Variants in SIPA1L3 observed in about 807,000 individuals in gnomAD.
The protein encoded by SIPA1L3 is signal induced proliferation associated 1 like 3.
In SIPA1L3, 59 loss-of-function variants were observed where a neutral mutation model predicts 150.1. The ratio of observed to expected loss-of-function variants is 0.39; its 90% CI spans 0.32 to 0.49. The LOEUF (loss-of-function observed/expected upper bound fraction) is 0.49, where lower values mean the gene tolerates loss of function less well. Ranked by LOEUF, SIPA1L3 falls within the 20% of genes least tolerant of loss-of-function variation. The pLI is 0.86. For missense variants in SIPA1L3, 2,211 were observed against 2,489.5 expected (o/e 0.89, Z 2.38); for synonymous variants, 1,070 against 1,077.6 (o/e 0.99, Z 0.14).
chr19:38,031,970 C>G (rs1438342612), intron 2 of SIPA1L3, among the ~76,000 whole-genome samples: 3 of 152,026 alleles, frequency 2.0e-5, no homozygotes, highest in Non-Finnish European at 4.4e-5. Flanking sequence ...AACAAAAATG[C>G]TACCTTTGGG....
At chr19:38,182,355 AG>A (rs1305024690) in intron 15 of SIPA1L3, among the ~76,000 whole-genome samples, 163 bp from the exon 16 acceptor site, 1 of 152,146 alleles carries the variant, frequency 6.6e-6, no homozygotes, top group African/African-American at 2.4e-5. Context: ...CCTTTTCTAC[AG>A]ATAGGCGTCT....
At chr19:38,034,097 A>T (rs572273933) in intron 2 of SIPA1L3, among the ~76,000 whole-genome samples, 8 of 152,012 alleles carry the variant, frequency 5.3e-5, no homozygotes, top group Non-Finnish European at 1.0e-4. Flanking sequence ...TCATGGACAC[A>T]TCGCTCCTGC....
chr19:38,014,162 A>G (rs1302628345), intron 1 of SIPA1L3, among the ~76,000 whole-genome samples: 1 of 152,224 alleles, frequency 6.6e-6, no homozygotes, highest in Non-Finnish European at 1.5e-5. Context: ...CCACAGGTGG[A>G]GAGCCCATGG....
intron 1 of SIPA1L3, among the ~76,000 whole-genome samples, chr19:37,998,274 G>A (rs1224409325): frequency 6.6e-6 from 1 of 152,140 alleles, no homozygotes; most frequent in Non-Finnish European, 1.5e-5. Context: ...AGGCTGAGAT[G>A]ACCCATTTCC....
At chr19:37,960,152 C>G (rs2046844480) in intron 1 of SIPA1L3, among the ~76,000 whole-genome samples, 1 of 152,126 alleles carries the variant, frequency 6.6e-6, no homozygotes, top group Non-Finnish European at 1.5e-5. Flanking sequence ...TATATGGCCT[C>G]TTTTCCTTTC....
chr19:38,101,205 G>A lies in SIPA1L3; in HGVS notation c.2008G>A (p.Ala670Thr), dbSNP rs568385613. The A allele has an allele frequency of 5.8e-5, 92 of 1,582,388 alleles. No homozygotes were observed. The South Asian group carries it at 8.1e-4, about 14-fold the overall frequency. The change falls in exon 6 of 22, where the codon GCT becomes ACT. Residue 670 changes from alanine to threonine, a missense_variant. Physicochemically the swap from Ala to Thr is moderately conservative, Grantham distance 58 (BLOSUM62 0). This residue lies in a region of SIPA1L3 where 625 missense variants were observed against 804.2 expected (regional missense o/e 0.78). Transcript: ENST00000222345. ...KVCLKGFTKY[A>T]AQLDVKTDST... ...CTGCCTGAAGGGCTTCACCAAGTAC[G>A]CTGCCCAGCTGGACGTCAAGAGTAA... is the stretch of plus-strand genomic sequence containing the variant.
In SIPA1L3 at chr19:38,082,132, G is replaced by A. The variant is rs770360644; in HGVS notation, c.567G>A (p.Gly189=). The part of the protein sequence containing the change: ...CDAEDAGEPR[G]ARHTGALPLF... ...CGGAGGACGCGGGGGAGCCGCGGGG[G>A]GCCCGGCACACGGGGGCGCTGCCCC... Residue 189 remains glycine, a synonymous_variant, in exon 3 of 22, where the codon GGG becomes GGA. Transcript: ENST00000222345. 29 of 1,606,226 alleles carry A rather than the reference G, an allele frequency of 1.8e-5. No homozygotes were observed. Among genetic ancestry groups the A allele is most frequent in the Non-Finnish European group, 2.5e-5 (29 of 1,179,108 alleles).
At chr19:37,994,079 T>C (rs1054006873) in intron 1 of SIPA1L3, among the ~76,000 whole-genome samples, 1 of 152,056 alleles carries the variant, frequency 6.6e-6, no homozygotes, top group African/African-American at 2.4e-5. Context: ...ATTTTTATTT[T>C]TTATAGAGAT....
At chr19:38,112,265 C>T (rs1172091809) in intron 8 of SIPA1L3, among the ~76,000 whole-genome samples, 1 of 151,958 alleles carries the variant, frequency 6.6e-6, no homozygotes, top group African/African-American at 2.4e-5. Context: ...CACACAAGCA[C>T]ATGCACATAT....
At chr19:38,098,143 T>C (rs571295793) in intron 4 of SIPA1L3, among the ~76,000 whole-genome samples, 46 of 152,360 alleles carry the variant, frequency 3.0e-4, no homozygotes, top group African/African-American at 1.1e-3. Flanking sequence ...GACTTGTTAT[T>C]AAGGTATATA....
intron 1 of SIPA1L3, among the ~76,000 whole-genome samples, chr19:37,988,418 G>C (rs1967417157): frequency 6.6e-6 from 1 of 152,186 alleles, no homozygotes; most frequent in Non-Finnish European, 1.5e-5. Context: ...GCTCATGCCT[G>C]TAATCCCAGC....
intron 16 of SIPA1L3, 33 bp from the exon 17 acceptor site, chr19:38,192,112 G>A (rs751178084): frequency 2.6e-5 from 41 of 1,554,572 alleles, no homozygotes; most frequent in Non-Finnish European, 3.2e-5. Flanking sequence ...GAGCCTCCCT[G>A]ACACCCCTCT....
At chr19:38,193,114 A>C (rs1394589054) in intron 17 of SIPA1L3, among the ~76,000 whole-genome samples, 1 of 151,788 alleles carries the variant, frequency 6.6e-6, no homozygotes, top group Non-Finnish European at 1.5e-5. Flanking sequence ...GGCTAAGGTG[A>C]GAGGATCACT....
At chr19:37,936,265 C>G (rs1168701448) in intron 1 of SIPA1L3, among the ~76,000 whole-genome samples, 1 of 152,140 alleles carries the variant, frequency 6.6e-6, no homozygotes, top group Non-Finnish European at 1.5e-5. Flanking sequence ...AGCAAAGGGT[C>G]AATAAGGAAG....
At chr19:38,017,924 C>T (rs1354918228) in intron 1 of SIPA1L3, among the ~76,000 whole-genome samples, 1 of 142,556 alleles carries the variant, frequency 7.0e-6, no homozygotes, top group Non-Finnish European at 1.5e-5. Context: ...CCCTGCTTCC[C>T]ATCACACTAA....
chr19:37,945,890 C>G (rs569357852), intron 1 of SIPA1L3, among the ~76,000 whole-genome samples: 1 of 151,984 alleles, frequency 6.6e-6, no homozygotes, highest in Non-Finnish European at 1.5e-5. Flanking sequence ...CGTGGTGGCT[C>G]ACGCCTGTAA....
At chr19:38,193,463 G>C (rs911098089) in intron 17 of SIPA1L3, 74 bp from the exon 18 acceptor site, 2 of 1,391,520 alleles carry the variant, frequency 1.4e-6, no homozygotes, top group Non-Finnish European at 1.9e-6. Context: ...TGTCCTAGAG[G>C]GGAAGATGCC....
At chr19:37,938,704 A>G (rs934626452) in intron 1 of SIPA1L3, among the ~76,000 whole-genome samples, 4 of 150,224 alleles carry the variant, frequency 2.7e-5, no homozygotes, top group African/African-American at 9.8e-5. Flanking sequence ...ATTCACTGCA[A>G]CTGCACCTGC....
intron 12 of SIPA1L3, among the ~76,000 whole-genome samples, chr19:38,146,665 A>G (rs1195401045): frequency 6.6e-6 from 1 of 152,136 alleles, no homozygotes; most frequent in African/African-American, 2.4e-5. Context: ...TGTCTGTATC[A>G]TTTTACATTC....
Sources: allele counts gnomAD v4.1 joint callset (sites outside exome capture counted in the v4.1 genomes callset), GRCh38; gene constraint gnomAD v4.1.1; regional missense constraint gnomAD v4.1.1; transcripts MANE v1.5; gene names NCBI Gene and HGNC (gene_info 2026-07-23, HGNC 2026-07-21).